The following ZNF286A variants were observed in gnomAD, a reference collection of about 807,000 sequenced individuals.
ZNF286A encodes the protein zinc finger protein ZNF286.
ZNF286A carries 34 observed loss-of-function variants against 49.3 expected under a neutral mutation model. The ratio of observed to expected loss-of-function variants is 0.69; its 90% CI spans 0.52 to 0.92. The LOEUF is 0.92. Ranked by LOEUF, ZNF286A falls within the 40% of genes least tolerant of loss-of-function variation. The pLI, the probability that ZNF286A is intolerant of heterozygous loss-of-function variation, is 0.00. For missense variants in ZNF286A, 462 were observed against 600.2 expected, an observed-to-expected ratio of 0.77 and a Z score of 2.41; for synonymous variants, 155 against 200.4, an observed-to-expected ratio of 0.77 and a Z score of 1.91.
In ZNF286A at chr17:15,708,257, A is replaced by G. The variant is rs764048105; in HGVS notation, c.334+10A>G. 7 of 1,568,680 alleles carry G rather than the reference A, an allele frequency of 4.5e-6. No homozygotes were observed. The highest frequency in any genetic ancestry group is 6.0e-6 in the Non-Finnish European group (7 of 1,158,000). ...AAAAGCAGCTATTCAGGTGAGCCAG[A>G]TAGATGGGAGTCTTCATAAATGATA... is the stretch of plus-strand genomic sequence containing the variant. On this transcript the variant is annotated intron_variant, in intron 5 of 5. Coordinates refer to ENST00000583566, the MANE Select transcript of ZNF286A (RefSeq NM_001130842.2).
chr17:15,711,720 T>C (rs940983022), intron 5 of ZNF286A, among the ~76,000 whole-genome samples: 1 of 152,064 alleles, frequency 6.6e-6, no homozygotes, highest in African/African-American at 2.4e-5. Flanking sequence ...CATGAATGGG[T>C]ATGTTCCAGT....
In ZNF286A at chr17:15,699,773, G is replaced by A. The variant is rs1329483082; in HGVS notation, c.-200G>A. The A allele has an allele frequency of 1.4e-6, 1 of 702,898 alleles. No homozygotes were observed. The highest frequency in any genetic ancestry group is 1.5e-5 in the South Asian group (1 of 67,592). 43.5% of individuals were successfully genotyped at this position (702,898 alleles called of 1,614,324 possible). A position where few individuals can be genotyped will look rare whatever the true frequency, so the allele number is the denominator to read the frequency against. On this transcript the variant is annotated 5_prime_UTR_variant, in exon 1 of 6. The change abolishes an upstream ATG in the 5' untranslated region. Coordinates refer to ENST00000583566, the MANE Select transcript of ZNF286A (RefSeq NM_001130842.2). Reference sequence around the variant, plus strand: ...TCGTCCCCTTTGTGAGGCCCGGGATGGGAGGTGAGTTGCTTGTGGTGATGT... The same window carrying A: ...TCGTCCCCTTTGTGAGGCCCGGGATAGGAGGTGAGTTGCTTGTGGTGATGT...
At position 15,716,710 on chromosome 17, in the gene ZNF286A, A is replaced by G. The variant is rs775739247; in HGVS notation, c.986A>G (p.Asn329Ser). The change falls in exon 6 of 6, where the codon AAT (asparagine) becomes AGT (serine). Residue 329 changes from asparagine to serine, a missense_variant. Coordinates refer to ENST00000583566, the MANE Select transcript of ZNF286A (RefSeq NM_001130842.2). ...IHVGERPYEC[N>S]ECGKGFNRST... ...GTTGGAGAGAGACCTTATGAATGCA[A>G]TGAATGTGGGAAAGGTTTTAATCGA... The G allele has an allele frequency of 8.7e-6, 14 of 1,613,932 alleles. No individual in the cohort carries two copies. Among genetic ancestry groups the G allele is most frequent in the Admixed American group, 1.7e-5 (1 of 60,018 alleles).
In ZNF286A at chr17:15,704,093, T is replaced by G. The variant is rs975373147; in HGVS notation, c.127-2294T>G. The G allele has an allele frequency of 3.5e-4, 191 of 540,892 alleles. No individual in the cohort carries two copies. The African/African-American group carries it at 3.7e-3, about 10-fold the overall frequency. 33.5% of individuals were successfully genotyped at this position (540,892 alleles called of 1,614,324 possible). ...TTTTTTTTTTTTGCTTTTCCAACTT[T>G]ATTTAGAAAAACAAATCCAGGTCCC... On this transcript the variant is annotated intron_variant, in intron 3 of 5. Transcript: ENST00000583566.
At position 15,701,058 on chromosome 17, in the gene ZNF286A, G is replaced by C. The variant is rs560884581; in HGVS notation, c.38-94G>C. On this transcript the variant is annotated intron_variant, in intron 2 of 5. Transcript: ENST00000583566. ...GTACCTTCAGTCTCAGTGTTTGTAG[G>C]CAGCACATATAGTATGTTGAAGTGG... 1.9e-4 allele frequency: 183 copies of C among 948,230 alleles called. No homozygotes were observed. The South Asian group carries it at 2.3e-3, about 12-fold the overall frequency. 58.7% of individuals were successfully genotyped at this position (948,230 alleles called of 1,614,324 possible). A position where few individuals can be genotyped will look rare whatever the true frequency, so the allele number is the denominator to read the frequency against.
chr17:15,716,603 T>C lies in ZNF286A; in HGVS notation c.879T>C (p.His293=). Residue 293 remains histidine (H), a synonymous_variant, in exon 6 of 6, where the codon CAT becomes CAC. Coordinates refer to ENST00000583566, the MANE Select transcript of ZNF286A (RefSeq NM_001130842.2). Reference sequence around the variant, plus strand: ...ATTTAACTAAACACCAGAGAACTCATACTAGAATTCTCTTTGAATGCAGTG... The same window carrying C: ...ATTTAACTAAACACCAGAGAACTCACACTAGAATTCTCTTTGAATGCAGTG... ...RANLTKHQRT[H]TRILFECSEC... is the part of the protein sequence containing the mutation. The C allele has an allele frequency of 6.2e-7, 1 of 1,614,104 alleles. No individual in the cohort carries two copies. Among genetic ancestry groups the C allele is most frequent in the African/African-American group, 1.3e-5 (1 of 75,044 alleles).
At chr17:15,715,479 C>T (rs899815180) in intron 5 of ZNF286A, among the ~76,000 whole-genome samples, 2 of 152,026 alleles carry the variant, frequency 1.3e-5, no homozygotes, top group African/African-American at 4.8e-5. Context: ...TCTTTTGCTA[C>T]CTGAATTAGT....
intron 3 of ZNF286A, chr17:15,704,855 C>A: frequency 6.2e-7 from 1 of 1,612,330 alleles, no homozygotes; most frequent in Admixed American, 1.7e-5. Context: ...TCCTTGTACA[C>A]CAGGCGGATG....
At position 15,700,962 on chromosome 17, in the gene ZNF286A, C is replaced by T. The variant is rs535230835; in HGVS notation, c.38-190C>T. Among the ~76,000 whole-genome samples the T allele has an allele frequency of 3.5e-4, 49 of 141,030 alleles. 1 individual carries two copies. The highest frequency in any genetic ancestry group is 1.3e-3 in the African/African-American group (48 of 37,706). The allele number at this position is 141,030 out of a possible 152,430, so 92.5% of individuals were successfully genotyped here. Reference sequence around the variant, plus strand: ...GTGTTATGATTATAGCAACTGAATTCGAGCCCAGAGTAGCAATATTCCCGC... The same window carrying T: ...GTGTTATGATTATAGCAACTGAATTTGAGCCCAGAGTAGCAATATTCCCGC... On this transcript the variant is annotated intron_variant, in intron 2 of 5. Transcript: ENST00000583566.
intron 4 of ZNF286A, among the ~76,000 whole-genome samples, chr17:15,706,907 C>A (rs1310915943): frequency 6.6e-6 from 1 of 152,170 alleles, no homozygotes; most frequent in African/African-American, 2.4e-5. Context: ...CGTTATTCTT[C>A]CAGTTAGATA....
chr17:15,715,116 A>G (rs1966960947), intron 5 of ZNF286A, among the ~76,000 whole-genome samples: 1 of 151,996 alleles, frequency 6.6e-6, no homozygotes. Context: ...TATATTAGAT[A>G]TATTTAGAGA....
intron 2 of ZNF286A, among the ~76,000 whole-genome samples, 199 bp from the exon 3 acceptor site, chr17:15,700,953 A>T (rs1371470198): frequency 2.9e-5 from 4 of 139,942 alleles, no homozygotes; most frequent in Non-Finnish European, 6.2e-5. Flanking sequence ...TGATTATAGC[A>T]ACTGAATTCG....
intron 5 of ZNF286A, among the ~76,000 whole-genome samples, chr17:15,712,035 C>T (rs1389932255): frequency 6.6e-6 from 1 of 151,988 alleles, no homozygotes; most frequent in African/African-American, 2.4e-5. Flanking sequence ...CCACACCCGG[C>T]TAATTTTTTT....
chr17:15,715,284 A>T (rs1966973348), intron 5 of ZNF286A, among the ~76,000 whole-genome samples: 2 of 151,630 alleles, frequency 1.3e-5, no homozygotes, highest in Non-Finnish European at 2.9e-5. Context: ...ATAAAAAAGT[A>T]GCAAACTGTG....
intron 3 of ZNF286A, chr17:15,704,767 A>G: frequency 2.5e-6 from 4 of 1,613,902 alleles, no homozygotes; most frequent in Non-Finnish European, 3.4e-6. Flanking sequence ...CTCGATGGTG[A>G]CCTGGAGGTC....
chr17:15,702,122 A>G (rs967105222), intron 3 of ZNF286A, among the ~76,000 whole-genome samples: 5 of 140,890 alleles, frequency 3.5e-5, no homozygotes, highest in Non-Finnish European at 7.7e-5. Flanking sequence ...CTCTGTCTCA[A>G]AAAAAAAAAA....
At chr17:15,711,867 C>CA (rs1452437719) in intron 5 of ZNF286A, among the ~76,000 whole-genome samples, 1 of 100,668 alleles carries the variant, frequency 9.9e-6, no homozygotes, top group Non-Finnish European at 2.0e-5. Flanking sequence ...TCTGCCCCCC[C>CA]CCCGGCTTTT....
chr17:15,708,230 C>T lies in ZNF286A; in HGVS notation c.317C>T (p.Pro106Leu). ...CCATTGAAGCTTGAGAGAAAAGCCCCCAAAAGCAGCTATTCAGGTGAGCCA... is the reference window on the plus strand; with the variant it reads ...CCATTGAAGCTTGAGAGAAAAGCCCTCAAAAGCAGCTATTCAGGTGAGCCA... ...KEPLKLERKA[P>L]KSSYSDMETR... Residue 106 changes from proline (P) to leucine (L), a missense_variant, in exon 5 of 6, where the codon CCC (proline) becomes CTC (leucine). Coordinates refer to ENST00000583566, the MANE Select transcript of ZNF286A (RefSeq NM_001130842.2). The T allele has an allele frequency of 6.3e-7, 1 of 1,588,792 alleles. No homozygotes were observed. The highest frequency in any genetic ancestry group is 8.6e-7 in the Non-Finnish European group (1 of 1,167,696).
chr17:15,704,347 G>C (rs1439295487), intron 3 of ZNF286A: 48 of 1,610,804 alleles, frequency 3.0e-5, no homozygotes, highest in Non-Finnish European at 3.9e-5. Context: ...CAGGCCCCCT[G>C]GGGCCCCAGG....
Sources: allele counts gnomAD v4.1 joint callset (sites outside exome capture counted in the v4.1 genomes callset), GRCh38; gene constraint gnomAD v4.1.1; transcripts MANE v1.5; gene names NCBI Gene and HGNC (gene_info 2026-07-23, HGNC 2026-07-21).